The following ENTR1 variants were observed in gnomAD, a reference collection of about 807,000 sequenced individuals.
ENTR1 encodes the protein endosome-associated-trafficking regulator 1.
ENTR1 carries 47 observed loss-of-function variants against 47.9 expected under a neutral mutation model. That is an observed-to-expected ratio of 0.98 (90% CI 0.78 to 1.25). The LOEUF is 1.25. ENTR1 is among the 50% of genes most tolerant of loss of function. The probability of loss-of-function intolerance (pLI) is 0.00; values close to 1 mark genes in which losing one functional copy is unlikely to be tolerated. For missense variants in ENTR1, 668 were observed against 570.5 expected (o/e 1.17, Z -1.74); for synonymous variants, 290 against 245.8 (o/e 1.18, Z -1.68).
chr9:136,407,603 C>G, intron 4 of ENTR1, 42 bp from the exon 5 acceptor site: 1 of 1,508,960 alleles, frequency 6.6e-7, no homozygotes, highest in Middle Eastern at 2.2e-4. Flanking sequence ...GGCCATGCTT[C>G]TGACTCGGAG....
At chr9:136,405,302 T>C in intron 6 of ENTR1, 100 bp from the exon 7 acceptor site, 2 of 916,122 alleles carry the variant, frequency 2.2e-6, no homozygotes, top group Non-Finnish European at 3.5e-6. Flanking sequence ...TAAGAGCCTG[T>C]GATGGAATGG....
chr9:136,406,207 C>T (rs1261085937), intron 5 of ENTR1, among the ~76,000 whole-genome samples: 2 of 152,106 alleles, frequency 1.3e-5, no homozygotes, highest in Non-Finnish European at 2.9e-5. Flanking sequence ...CAGTGGCTCG[C>T]GCCTGTAATC....
chr9:136,404,975 G>A, intron 7 of ENTR1, 116 bp downstream of exon 7: 1 of 826,484 alleles, frequency 1.2e-6, no homozygotes, highest in Non-Finnish European at 2.0e-6. Context: ...CAGTCCCAGA[G>A]AGCCACATGG....
chr9:136,405,227 T>C (rs1360119565), intron 6 of ENTR1, 25 bp from the exon 7 acceptor site: 2 of 1,567,682 alleles, frequency 1.3e-6, no homozygotes, highest in East Asian at 2.2e-5. Context: ...ACCCGAGTTG[T>C]TAATTTCTGT....
intron 3 of ENTR1, 36 bp downstream of exon 3, chr9:136,408,963 T>A (rs759832785): frequency 6.3e-7 from 1 of 1,579,892 alleles, no homozygotes; most frequent in Non-Finnish European, 8.7e-7. Flanking sequence ...CTGTGTTGGA[T>A]GGAGACAAGA....
chr9:136,405,441 T>C, intron 6 of ENTR1: 1 of 502,124 alleles, frequency 2.0e-6, no homozygotes, highest in Non-Finnish European at 3.6e-6. Context: ...TTGCCTAAAG[T>C]TTAAAATAAA....
In ENTR1 at chr9:136,410,612, G is replaced by C. The variant is rs1455410024; in HGVS notation, c.-215C>G. The C allele has an allele frequency of 3.1e-6, 4 of 1,305,552 alleles. No homozygotes were observed. Among genetic ancestry groups the C allele is most frequent in the Non-Finnish European group, 3.9e-6 (4 of 1,022,316 alleles). The allele number at this position is 1,305,552 out of a possible 1,614,324, so 80.9% of individuals were successfully genotyped here. A position where few individuals can be genotyped will look rare whatever the true frequency, so the allele number is the denominator to read the frequency against. On this transcript the variant is annotated 5_prime_UTR_variant, in exon 1 of 10. Coordinates refer to ENST00000357365, the MANE Select transcript of ENTR1 (RefSeq NM_001039707.2). ...AACGCCTTGGGCCGTCGGCGAGGGG[G>C]AGGGGAAGCCGTGGGCGGAAGCGGA...
At chr9:136,405,255 C>T in intron 6 of ENTR1, 53 bp from the exon 7 acceptor site, 1 of 1,415,502 alleles carries the variant, frequency 7.1e-7, no homozygotes. Context: ...TTTAAGAGGA[C>T]TACAAAAAGA....
At chr9:136,404,551 T>A (rs922961597) in intron 8 of ENTR1, 80 bp downstream of exon 8, 206 of 1,452,312 alleles carry the variant, frequency 1.4e-4, no homozygotes, top group Non-Finnish European at 1.8e-4. Context: ...CCCAGCAGAG[T>A]CTTTCGCCTC....
In ENTR1 at chr9:136,410,451, GGCCCCGGCTCCGCCCGT is replaced by G. The variant is rs1835049496; in HGVS notation, c.-71_-55del. On this transcript the variant is annotated 5_prime_UTR_variant, in exon 1 of 10. Transcript: ENST00000357365. ...CCTAGCCCGGCAGCGGCGGCTCCAT[GGCCCCGGCTCCGCCCGT>G]GCCGCGGCCCGCGTCGCCCGCCCCC... is the stretch of plus-strand genomic sequence containing the variant. 9.0e-7 allele frequency: 1 copy of G among 1,105,494 alleles called. No homozygotes were observed. The highest frequency in any genetic ancestry group is 1.7e-5 in the African/African-American group (1 of 59,884). The allele number at this position is 1,105,494 out of a possible 1,614,324, so 68.5% of individuals were successfully genotyped here.
Position 136,402,689 on chromosome 9 carries a change from T to C in ENTR1, c.*99A>G. On this transcript the variant is annotated 3_prime_UTR_variant, in exon 10 of 10. Transcript: ENST00000357365. ...CTTGCGATCAACACTTTACTCTGGG[T>C]GAAGACTGCATATTTAAGGACACAA... is the stretch of plus-strand genomic sequence containing the variant. The C allele has an allele frequency of 1.3e-6, 1 of 797,322 alleles. No individual in the cohort carries two copies. The allele number at this position is 797,322 out of a possible 1,614,324, so 49.4% of individuals were successfully genotyped here.
intron 6 of ENTR1, among the ~76,000 whole-genome samples, chr9:136,405,690 C>T (rs1314175987): frequency 6.6e-6 from 1 of 152,158 alleles, no homozygotes; most frequent in African/African-American, 2.4e-5. Flanking sequence ...TGCAGTGAGC[C>T]GTGATTGCGC....
At position 136,409,919 on chromosome 9, in the gene ENTR1, C is replaced by T. The variant is rs983313041; in HGVS notation, c.220+171G>A. On this transcript the variant is annotated intron_variant, in intron 2 of 9. Coordinates refer to ENST00000357365, the MANE Select transcript of ENTR1 (RefSeq NM_001039707.2). ...TGTCTTGGGGGAGGTCTCCCCGCAACCAGACTGTGAGCTCCTAGCAGGGGA... is the reference window on the plus strand; with the variant it reads ...TGTCTTGGGGGAGGTCTCCCCGCAATCAGACTGTGAGCTCCTAGCAGGGGA... 7 of 836,246 alleles carry T rather than the reference C, an allele frequency of 8.4e-6. No homozygotes were observed. The African/African-American group carries it at 1.0e-4, about 12-fold the overall frequency. 51.8% of individuals were successfully genotyped at this position (836,246 alleles called of 1,614,324 possible).
Position 136,403,952 on chromosome 9 carries a change from A to G in ENTR1, c.1208+103T>C, listed in dbSNP as rs1250918347. On this transcript the variant is annotated intron_variant, in intron 9 of 9. Coordinates refer to ENST00000357365, the MANE Select transcript of ENTR1 (RefSeq NM_001039707.2). ...CCTCCCTGCAGCTCCCTGGTCCTCC[A>G]GCCACGGTGCCATCAGCCTGGGCCC... 2 of 1,367,200 alleles carry G rather than the reference A, an allele frequency of 1.5e-6. 1 individual carries two copies. The highest frequency in any genetic ancestry group is 2.9e-5 in the South Asian group (2 of 68,670). The allele number at this position is 1,367,200 out of a possible 1,614,324, so 84.7% of individuals were successfully genotyped here.
At chr9:136,410,004 A>G in intron 2 of ENTR1, 86 bp downstream of exon 2, 1 of 1,502,974 alleles carries the variant, frequency 6.7e-7, no homozygotes, top group African/African-American at 1.4e-5. Flanking sequence ...TTGATGGGTC[A>G]ATGGACGAGC....
rs943841947 is a variant in ENTR1, at chr9:136,407,127, G to A, written c.819+18C>T. 11 of 1,569,538 alleles carry A rather than the reference G, an allele frequency of 7.0e-6. No homozygotes were observed. Among genetic ancestry groups the A allele is most frequent in the South Asian group, 3.5e-5 (3 of 85,418 alleles). ...TCGGACAGGCGCTGTGCCAGAGGGC[G>A]CCGTGAGGCTCACTTACTGCGTCGT... On this transcript the variant is annotated intron_variant, in intron 5 of 9. Coordinates refer to ENST00000357365, the MANE Select transcript of ENTR1 (RefSeq NM_001039707.2).
At position 136,410,567 on chromosome 9, in the gene ENTR1, G is replaced by A; in HGVS notation, c.-170C>T. 1.7e-6 allele frequency: 2 copies of A among 1,162,718 alleles called. No homozygotes were observed. The highest frequency in any genetic ancestry group is 1.1e-6 in the Non-Finnish European group (1 of 921,164). 72.0% of individuals were successfully genotyped at this position (1,162,718 alleles called of 1,614,324 possible). The stretch of plus-strand genomic sequence containing the variant: ...CCTCTCGCCGCTGCTTCCGCTCCGA[G>A]CACCGAAAGCGCGTGCCTGAACGCC... On this transcript the variant is annotated 5_prime_UTR_variant, in exon 1 of 10. Transcript: ENST00000357365.
chr9:136,405,007 G>T, intron 7 of ENTR1, 84 bp downstream of exon 7: 1 of 1,074,558 alleles, frequency 9.3e-7, no homozygotes, highest in African/African-American at 1.5e-5. Flanking sequence ...AGGGCAGGCT[G>T]CACCGGCTGC....
intron 6 of ENTR1, 131 bp from the exon 7 acceptor site, chr9:136,405,333 G>A: frequency 1.4e-6 from 1 of 700,164 alleles, no homozygotes; most frequent in Non-Finnish European, 2.5e-6. Flanking sequence ...CAGAGGGGAG[G>A]CAGCGGCAGC....
Sources: gnomAD v4.1 joint callset for allele counts (sites outside exome capture counted in the v4.1 genomes callset) on GRCh38, gnomAD v4.1.1 for gene constraint, MANE v1.5 for transcripts, NCBI Gene and HGNC (gene_info 2026-07-23, HGNC 2026-07-21) for gene names.